The following TENM2 variants were observed in gnomAD, a reference collection of about 807,000 sequenced individuals.
TENM2 encodes teneurin transmembrane protein 2, also known as teneurin-2.
In TENM2, 52 loss-of-function variants were observed where a neutral mutation model predicts 245.2. That is an observed-to-expected ratio of 0.21 (90% CI 0.17 to 0.27). TENM2 has a LOEUF of 0.27. Among genes scored for constraint, TENM2 ranks in the 10% least tolerant of loss-of-function variants. TENM2 has a pLI of 1.00. For missense variants in TENM2, 3,046 were observed against 3,666.8 expected, an observed-to-expected ratio of 0.83 and a Z score of 4.37; for synonymous variants, 1,363 against 1,438.9, an observed-to-expected ratio of 0.95 and a Z score of 1.19.
At chr5:167,833,816 C>T (rs2151106800) in intron 2 of TENM2, among the ~76,000 whole-genome samples, 1 of 152,330 alleles carries the variant, frequency 6.6e-6, no homozygotes, top group Admixed American at 6.5e-5. Context: ...TTCTCTGTTT[C>T]CCCTTCCTTC....
intron 2 of TENM2, among the ~76,000 whole-genome samples, chr5:167,802,350 A>G (rs1273502633): frequency 2.0e-5 from 3 of 152,114 alleles, no homozygotes; most frequent in Non-Finnish European, 4.4e-5. Context: ...CACTTAACAC[A>G]TTTCTTCTAT....
chr5:167,185,345 T>C, the TENM2 span, among the ~76,000 whole-genome samples: 8 of 152,150 alleles, frequency 5.3e-5, no homozygotes, highest in African/African-American at 1.9e-4. Context: ...TGATGTGATA[T>C]TGTAAATGAC....
intron 3 of TENM2, among the ~76,000 whole-genome samples, chr5:167,928,592 A>G (rs181429031): frequency 1.3e-5 from 2 of 152,184 alleles, no homozygotes; most frequent in Admixed American, 1.3e-4. Context: ...ACACCAAAAT[A>G]TGTGTTAAAA....
intron 4 of TENM2, among the ~76,000 whole-genome samples, chr5:167,986,659 A>G (rs139303535): frequency 4.9e-4 from 74 of 152,308 alleles, no homozygotes; most frequent in African/African-American, 1.7e-3. Context: ...AAAAACGTCA[A>G]GTGCATTTGG....
chr5:167,627,187 A>G (rs944623805), intron 2 of TENM2, among the ~76,000 whole-genome samples: 7 of 152,324 alleles, frequency 4.6e-5, no homozygotes, highest in Middle Eastern at 3.4e-3. Flanking sequence ...GAATTAATCC[A>G]TAGATAATGG....
chr5:167,647,986 G>T (rs1780079328), intron 2 of TENM2, among the ~76,000 whole-genome samples: 1 of 152,168 alleles, frequency 6.6e-6, no homozygotes, highest in African/African-American at 2.4e-5. Flanking sequence ...TTTGGGTACA[G>T]ATTTTCTCTG....
intron 2 of TENM2, among the ~76,000 whole-genome samples, chr5:167,869,862 A>C (rs1332985416): frequency 6.6e-6 from 1 of 152,202 alleles, no homozygotes. Flanking sequence ...TTAAATGCAA[A>C]CAAAAGGAGA....
intron 12 of TENM2, among the ~76,000 whole-genome samples, chr5:168,131,363 C>T (rs571667695): frequency 6.6e-6 from 1 of 152,284 alleles, no homozygotes; most frequent in South Asian, 2.1e-4. Flanking sequence ...ATCATAAGGG[C>T]TTGATTCCTA....
At chr5:168,215,755 G>C (rs921258422) in intron 21 of TENM2, among the ~76,000 whole-genome samples, 1 of 152,182 alleles carries the variant, frequency 6.6e-6, no homozygotes, top group East Asian at 1.9e-4. Context: ...AGGGGATTGC[G>C]CCTGGAGATT....
At chr5:168,144,410 T>A (rs1319842440) in intron 12 of TENM2, among the ~76,000 whole-genome samples, 1 of 149,726 alleles carries the variant, frequency 6.7e-6, no homozygotes, top group Non-Finnish European at 1.5e-5. Flanking sequence ...AATTCCCACC[T>A]GTAAGTGAGA....
intron 4 of TENM2, among the ~76,000 whole-genome samples, chr5:167,985,218 T>A (rs1241091776): frequency 6.6e-6 from 1 of 152,192 alleles, no homozygotes; most frequent in East Asian, 1.9e-4. Flanking sequence ...TCCTGGGGTG[T>A]TTCTGCCTCT....
intron 2 of TENM2, among the ~76,000 whole-genome samples, chr5:167,830,516 C>A (rs1768373700): frequency 6.6e-6 from 1 of 152,118 alleles, no homozygotes; most frequent in African/African-American, 2.4e-5. Flanking sequence ...AGGCCCCTGG[C>A]ATAATGAAGT....
intron 2 of TENM2, among the ~76,000 whole-genome samples, chr5:167,795,048 G>A (rs1038583882): frequency 6.6e-6 from 1 of 152,160 alleles, no homozygotes; most frequent in African/African-American, 2.4e-5. Flanking sequence ...TCAGGAATGA[G>A]TGATACTAAG....
At chr5:167,148,304 T>C in the TENM2 span, among the ~76,000 whole-genome samples, 1 of 152,194 alleles carries the variant, frequency 6.6e-6, no homozygotes, top group African/African-American at 2.4e-5. Flanking sequence ...CCTATGAAAA[T>C]TGCAGGACTA....
chr5:167,524,381 C>G (rs1207458766), intron 2 of TENM2, among the ~76,000 whole-genome samples: 1 of 152,052 alleles, frequency 6.6e-6, no homozygotes, highest in African/African-American at 2.4e-5. Flanking sequence ...GAGTGTCTGG[C>G]ACACAGTGAA....
intron 2 of TENM2, among the ~76,000 whole-genome samples, chr5:167,451,748 A>G (rs1244312082): frequency 6.6e-6 from 1 of 151,684 alleles, no homozygotes; most frequent in Non-Finnish European, 1.5e-5. Context: ...TCCCGGGTTC[A>G]TGCCATTCTT....
intron 1 of TENM2, among the ~76,000 whole-genome samples, chr5:167,340,551 A>G (rs546814858): frequency 5.3e-5 from 8 of 152,232 alleles, no homozygotes; most frequent in Admixed American, 3.9e-4. Context: ...GCACCCTTCT[A>G]TTGGATCAGT....
chr5:167,960,224 G>A (rs544510714), intron 4 of TENM2, among the ~76,000 whole-genome samples: 1 of 152,360 alleles, frequency 6.6e-6, no homozygotes, highest in South Asian at 2.1e-4. Context: ...CAAGCACTGT[G>A]CTGGGAGATC....
At chr5:167,272,910 G>A in the TENM2 span, among the ~76,000 whole-genome samples, 2 of 152,056 alleles carry the variant, frequency 1.3e-5, no homozygotes, top group Non-Finnish European at 2.9e-5. Flanking sequence ...GATTTCCATT[G>A]GATGCACCTA....
Sources: allele counts gnomAD v4.1 joint callset (sites outside exome capture counted in the v4.1 genomes callset), GRCh38; gene constraint gnomAD v4.1.1; transcripts MANE v1.5; gene names NCBI Gene and HGNC (gene_info 2026-07-23, HGNC 2026-07-21).